RBFOX1: variants seen among roughly 807,000 people sequenced by gnomAD.
The protein encoded by RBFOX1 is RNA binding protein fox-1 homolog 1.
Under a neutral mutation model 57.7 loss-of-function variants are expected in RBFOX1, and 8 were observed. That is an observed-to-expected ratio of 0.14 (90% CI 0.08 to 0.25). The LOEUF (loss-of-function observed/expected upper bound fraction) is 0.25, where lower values mean the gene tolerates loss of function less well. Ranked by LOEUF, RBFOX1 falls within the 10% of genes least tolerant of loss-of-function variation. RBFOX1 has a pLI of 1.00. For missense variants in RBFOX1, 611 were observed against 548.5 expected (o/e 1.11, Z -1.14); for synonymous variants, 326 against 222.4 (o/e 1.47, Z -4.15).
chr16:6,392,779 C>T (rs1285518670), intron 2 of RBFOX1, among the ~76,000 whole-genome samples: 1 of 152,206 alleles, frequency 6.6e-6, no homozygotes, highest in Non-Finnish European at 1.5e-5. Flanking sequence ...AATTAAAAAG[C>T]ATCCCTCAAA....
At chr16:6,610,107 G>A (rs1022474186) in intron 2 of RBFOX1, among the ~76,000 whole-genome samples, 1 of 151,976 alleles carries the variant, frequency 6.6e-6, no homozygotes, top group Non-Finnish European at 1.5e-5. Flanking sequence ...AAGAACGGAG[G>A]TAGATGACAT....
intron 2 of RBFOX1, among the ~76,000 whole-genome samples, chr16:5,596,225 C>T (rs765447340): frequency 6.6e-5 from 10 of 152,166 alleles, no homozygotes; most frequent in African/African-American, 9.7e-5. Flanking sequence ...AGATCATACT[C>T]GAGTGTGAGT....
chr16:7,695,300 C>G (rs1316287738), intron 14 of RBFOX1, among the ~76,000 whole-genome samples: 1 of 152,156 alleles, frequency 6.6e-6, no homozygotes, highest in Non-Finnish European at 1.5e-5. Context: ...TCACCTTGCT[C>G]ATAGAGCGAA....
chr16:6,080,263 T>C (rs1461314784), intron 1 of RBFOX1, among the ~76,000 whole-genome samples: 1 of 152,046 alleles, frequency 6.6e-6, no homozygotes, highest in Non-Finnish European at 1.5e-5. Context: ...CTCGTGTGGA[T>C]CATCTGTTAT....
rs115973026 is a variant in RBFOX1 at position 5,402,431 on chromosome 16, C to G, written c.220-64785C>G. Among the ~76,000 whole-genome samples the G allele has an allele frequency of 9.9e-3, 1,503 of 152,316 alleles. 28 individuals are homozygous for G. Among genetic ancestry groups the G allele is most frequent in the African/African-American group, 0.034 (1,394 of 41,558 alleles). On this transcript the variant is annotated intron_variant, in intron 1 of 2. Coordinates refer to the RBFOX1 transcript ENST00000585867. ...TGAGAGGCCAGTGGAAGATCCCCAG[C>G]TCACAACCTCCCCCATTTTCTATTC...
intron 1 of RBFOX1, among the ~76,000 whole-genome samples, chr16:5,258,374 C>T (rs1232151387): frequency 6.6e-6 from 1 of 151,552 alleles, no homozygotes; most frequent in Non-Finnish European, 1.5e-5. Flanking sequence ...ATGATATTCA[C>T]CCCTATGTAA....
chr16:6,039,755 T>A (rs1205776474), intron 1 of RBFOX1, among the ~76,000 whole-genome samples: 1 of 152,242 alleles, frequency 6.6e-6, no homozygotes, highest in Non-Finnish European at 1.5e-5. Context: ...TATAGCTGCA[T>A]AACAAATTAA....
intron 4 of RBFOX1, among the ~76,000 whole-genome samples, chr16:7,222,279 A>G (rs1371213377): frequency 6.6e-6 from 1 of 152,212 alleles, no homozygotes; most frequent in Non-Finnish European, 1.5e-5. Flanking sequence ...CAGAAGCGTA[A>G]GATATAATAC....
chr16:7,055,601 C>A (rs533087563), intron 4 of RBFOX1, among the ~76,000 whole-genome samples: 3 of 152,170 alleles, frequency 2.0e-5, no homozygotes, highest in Non-Finnish European at 4.4e-5. Context: ...TCCCAGAATT[C>A]GTCACTGCAG....
At chr16:6,615,942 G>A (rs1364932031) in intron 2 of RBFOX1, among the ~76,000 whole-genome samples, 1 of 152,158 alleles carries the variant, frequency 6.6e-6, no homozygotes, top group African/African-American at 2.4e-5. Context: ...AACTATCTGT[G>A]AACAGTGGTA....
chr16:6,906,818 G>C (rs569876253), intron 3 of RBFOX1, among the ~76,000 whole-genome samples: 1 of 151,816 alleles, frequency 6.6e-6, no homozygotes, highest in Non-Finnish European at 1.5e-5. Flanking sequence ...TACCTCCTGG[G>C]TTCAAGCAAT....
At chr16:6,217,550 T>G (rs1598452905) in intron 1 of RBFOX1, among the ~76,000 whole-genome samples, 1 of 152,306 alleles carries the variant, frequency 6.6e-6, no homozygotes, top group Non-Finnish European at 1.5e-5. Flanking sequence ...CTCCTTTGCA[T>G]CCAGAAGAAG....
intron 3 of RBFOX1, among the ~76,000 whole-genome samples, chr16:6,708,946 A>G (rs1276896263): frequency 1.3e-5 from 2 of 151,686 alleles, no homozygotes; most frequent in South Asian, 4.2e-4. Flanking sequence ...ATAGTGGCCT[A>G]GTAGCGGTGG....
At chr16:5,881,393 T>C (rs1295812532) in intron 4 of RBFOX1, among the ~76,000 whole-genome samples, 1 of 152,112 alleles carries the variant, frequency 6.6e-6, no homozygotes, top group African/African-American at 2.4e-5. Flanking sequence ...TTAAGAGTAT[T>C]AGGGGTCTGG....
intron 2 of RBFOX1, among the ~76,000 whole-genome samples, chr16:6,530,732 C>G (rs967020874): frequency 4.6e-5 from 6 of 130,562 alleles, no homozygotes; most frequent in African/African-American, 7.7e-5. Context: ...TGCAGGGGAA[C>G]TCCCTTTTAT....
chr16:6,232,156 G>A (rs1465228419), intron 1 of RBFOX1, among the ~76,000 whole-genome samples: 1 of 152,170 alleles, frequency 6.6e-6, no homozygotes, highest in Non-Finnish European at 1.5e-5. Flanking sequence ...TTTTGCAAGG[G>A]CAGCAGCATA....
At chr16:5,652,761 C>T (rs181932986) in intron 3 of RBFOX1, among the ~76,000 whole-genome samples, 1 of 152,224 alleles carries the variant, frequency 6.6e-6, no homozygotes, top group Non-Finnish European at 1.5e-5. Flanking sequence ...GACTTGAATT[C>T]AGATTCTGGT....
intron 1 of RBFOX1, among the ~76,000 whole-genome samples, chr16:6,112,059 T>A (rs1046764366): frequency 1.7e-4 from 26 of 152,162 alleles, no homozygotes; most frequent in African/African-American, 6.0e-4. Flanking sequence ...GAATGAAGTA[T>A]TTCACATGAA....
Position 6,392,729 on chromosome 16 carries a change from G to A in RBFOX1, c.-64+75672G>A, listed in dbSNP as rs147893694. Among the ~76,000 whole-genome samples the A allele has an allele frequency of 5.9e-4, 90 of 152,292 alleles. 1 individual carries two copies. Among genetic ancestry groups the A allele is most frequent in the Middle Eastern group, 3.4e-3 (1 of 294 alleles). The stretch of plus-strand genomic sequence containing the variant: ...GGGGCACTCCAGATTGGGACCTTGA[G>A]AACTAGATGGTATGCTAAATTCCCT... On this transcript the variant is annotated intron_variant, in intron 2 of 15. Transcript: ENST00000550418.
Sources: allele counts gnomAD v4.1 joint callset (sites outside exome capture counted in the v4.1 genomes callset), GRCh38; gene constraint gnomAD v4.1.1; transcripts MANE v1.5; gene names NCBI Gene and HGNC (gene_info 2026-07-23, HGNC 2026-07-21).